The following PXDNL variants were observed in gnomAD, a reference collection of about 807,000 sequenced individuals.
The protein encoded by PXDNL is peroxidasin like, also known as probable oxidoreductase PXDNL.
A neutral mutation model predicts 150.8 loss-of-function variants in PXDNL; 145 were observed. The observed-to-expected ratio is 0.96, with a 90% CI of 0.84 to 1.10. The LOEUF (loss-of-function observed/expected upper bound fraction) is 1.10, where lower values mean the gene tolerates loss of function less well. Ranked by LOEUF, PXDNL falls within the 50% of genes least tolerant of loss-of-function variation. PXDNL has a pLI of 0.00. For missense variants in PXDNL, 2,087 were observed against 1,873.9 expected (o/e 1.11, Z -2.10); for synonymous variants, 757 against 725.7 (o/e 1.04, Z -0.69).
chr8:51,589,311 C>A (rs7817247), intron 3 of PXDNL, among the ~76,000 whole-genome samples: 7,770 of 152,124 alleles, frequency 0.051, 462 homozygotes, highest in African/African-American at 0.15. Context: ...AGATACCAAA[C>A]AACGCAGAAG....
intron 3 of PXDNL, among the ~76,000 whole-genome samples, chr8:51,564,626 G>A (rs1812779016): frequency 6.6e-6 from 1 of 151,502 alleles, no homozygotes; most frequent in Non-Finnish European, 1.5e-5. Context: ...GGGAGAAGAA[G>A]AGAAAATGAC....
intron 3 of PXDNL, among the ~76,000 whole-genome samples, chr8:51,582,738 AAGACAC>A (rs1813235623): frequency 6.6e-6 from 1 of 152,182 alleles, no homozygotes; most frequent in Non-Finnish European, 1.5e-5. Flanking sequence ...CCTCAAAAGT[AAGACAC>A]TACAGTTATC....
chr8:51,506,324 C>T (rs534839288), intron 4 of PXDNL, among the ~76,000 whole-genome samples: 135 of 152,106 alleles, frequency 8.9e-4, no homozygotes, highest in Non-Finnish European at 1.4e-3. Flanking sequence ...GGGCGGATCA[C>T]GAGATCAGGA....
chr8:51,751,775 C>T (rs561576703), intron 1 of PXDNL, among the ~76,000 whole-genome samples: 1 of 152,214 alleles, frequency 6.6e-6, no homozygotes, highest in African/African-American at 2.4e-5. Context: ...CTCAATAATC[C>T]TAAAAGAAAA....
chr8:51,624,293 G>T (rs13274229), intron 2 of PXDNL, among the ~76,000 whole-genome samples: 16,971 of 151,976 alleles, frequency 0.11, 1,242 homozygotes, highest in East Asian at 0.22. Flanking sequence ...ACCAGGCCTT[G>T]CCAGGAGTAA....
At chr8:51,724,541 C>T (rs571146962) in intron 1 of PXDNL, among the ~76,000 whole-genome samples, 2 of 152,048 alleles carry the variant, frequency 1.3e-5, no homozygotes, top group African/African-American at 2.4e-5. Flanking sequence ...CTCAAGAGAA[C>T]CTGAAGTTGT....
chr8:51,669,478 C>G (rs1360170007), intron 1 of PXDNL, among the ~76,000 whole-genome samples: 2 of 152,154 alleles, frequency 1.3e-5, no homozygotes, highest in Admixed American at 1.3e-4. Context: ...GTTTTGGAAA[C>G]ATTTCCAACC....
chr8:51,604,323 A>C (rs1381673416), intron 2 of PXDNL, among the ~76,000 whole-genome samples: 5 of 152,230 alleles, frequency 3.3e-5, no homozygotes, highest in South Asian at 4.1e-4. Flanking sequence ...GCAGCCATAA[A>C]AAATGATGAG....
rs571355778 is a variant in PXDNL, at chr8:51,618,697, A to G, written c.237-25999T>C. ...TTCCTAAAGAGAAGCAGTGAGGAAC[A>G]GTGACTGACATTTTGTGCTCTGCAC... is the stretch of plus-strand genomic sequence containing the variant. On this transcript the variant is annotated intron_variant, in intron 2 of 22. Coordinates refer to ENST00000356297, the MANE Select transcript of PXDNL (RefSeq NM_144651.5). 5.9e-5 allele frequency among the ~76,000 whole-genome samples: 9 copies of G among 152,298 alleles called. No homozygotes were observed. The East Asian group carries it at 1.2e-3, about 20-fold the overall frequency.
chr8:51,363,987 TG>T (rs1236128059), intron 19 of PXDNL, among the ~76,000 whole-genome samples: 2 of 152,198 alleles, frequency 1.3e-5, no homozygotes, highest in African/African-American at 4.8e-5. Flanking sequence ...TGAATTGTTT[TG>T]GTAAAAGGTA....
chr8:51,499,563 G>T, intron 5 of PXDNL, 136 bp downstream of exon 5: 2 of 618,844 alleles, frequency 3.2e-6, no homozygotes, highest in South Asian at 2.2e-5. Context: ...TATTAACTCT[G>T]TTTTGTAGTG....
chr8:51,796,854 C>T (rs1395801881), intron 1 of PXDNL, among the ~76,000 whole-genome samples: 6 of 152,058 alleles, frequency 3.9e-5, no homozygotes, highest in African/African-American at 1.2e-4. Context: ...TACCAAAACC[C>T]GGCACAGATG....
intron 4 of PXDNL, among the ~76,000 whole-genome samples, chr8:51,505,338 TCGC>T (rs1442475187): frequency 1.6e-5 from 1 of 63,054 alleles, no homozygotes; most frequent in Non-Finnish European, 2.8e-5. Context: ...GTTGCTGGTA[TCGC>T]TGGTATCGCT....
chr8:51,805,348 T>C (rs1334824887), intron 1 of PXDNL, among the ~76,000 whole-genome samples: 6 of 148,404 alleles, frequency 4.0e-5, no homozygotes, highest in Admixed American at 1.3e-4. Flanking sequence ...ATTTTATATA[T>C]AAAACTTTAT....
intron 1 of PXDNL, among the ~76,000 whole-genome samples, chr8:51,762,006 T>C (rs2037171092): frequency 6.6e-6 from 1 of 152,250 alleles, no homozygotes; most frequent in South Asian, 2.1e-4. Context: ...GTAAAGCATA[T>C]CTGAGAATAA....
chr8:51,498,843 T>G (rs895629442), intron 5 of PXDNL, among the ~76,000 whole-genome samples: 3 of 152,232 alleles, frequency 2.0e-5, no homozygotes, highest in African/African-American at 7.2e-5. Context: ...CTATGCAAGT[T>G]TCAGCGTTTA....
intron 2 of PXDNL, among the ~76,000 whole-genome samples, chr8:51,617,917 TGCAGGC>T (rs1017780195): frequency 2.6e-5 from 4 of 152,250 alleles, no homozygotes; most frequent in African/African-American, 9.6e-5. Context: ...CACACATGCA[TGCAGGC>T]GCACACGCAC....
At chr8:51,509,815 C>CGT (rs1341958594) in intron 4 of PXDNL, among the ~76,000 whole-genome samples, 9 of 149,074 alleles carry the variant, frequency 6.0e-5, no homozygotes, top group Admixed American at 1.3e-4. Flanking sequence ...TATACATATA[C>CGT]GTGTGTGTGT....
At chr8:51,436,040 A>C (rs1206133525) in intron 12 of PXDNL, 2 of 528,878 alleles carry the variant, frequency 3.8e-6, no homozygotes, top group African/African-American at 1.9e-5. Context: ...CTTGTTCAAA[A>C]TAGTCATAGC....
Sources: gnomAD v4.1 joint callset for allele counts (sites outside exome capture counted in the v4.1 genomes callset) on GRCh38, gnomAD v4.1.1 for gene constraint, MANE v1.5 for transcripts, NCBI Gene and HGNC (gene_info 2026-07-23, HGNC 2026-07-21) for gene names.